The following MAPK8IP3 variants were observed in gnomAD, a reference collection of about 807,000 sequenced individuals.
The protein encoded by MAPK8IP3 is mitogen-activated protein kinase 8 interacting protein 3, also known as C-Jun-amino-terminal kinase-interacting protein 3.
A neutral mutation model predicts 157.8 loss-of-function variants in MAPK8IP3; 49 were observed. The observed-to-expected ratio is 0.31, with a 90% CI of 0.25 to 0.39. The LOEUF is 0.39. Among genes scored for constraint, MAPK8IP3 ranks in the 10% least tolerant of loss-of-function variants. The pLI, the probability that MAPK8IP3 is intolerant of heterozygous loss-of-function variation, is 1.00. For synonymous variants in MAPK8IP3, 897 were observed against 777.7 expected, an observed-to-expected ratio of 1.15 and a Z score of -2.55; for missense variants, 1,478 against 1,889.4, an observed-to-expected ratio of 0.78 and a Z score of 4.04.
intron 8 of MAPK8IP3, among the ~76,000 whole-genome samples, chr16:1,754,277 G>A (rs2041467931): frequency 6.6e-6 from 1 of 152,122 alleles, no homozygotes; most frequent in African/African-American, 2.4e-5. Context: ...ACTACCTGGT[G>A]GGAATTTCAC....
intron 19 of MAPK8IP3, 36 bp from the exon 20 acceptor site, chr16:1,764,977 C>G (rs1373820672): frequency 6.3e-7 from 1 of 1,579,558 alleles, no homozygotes; most frequent in African/African-American, 1.3e-5. Flanking sequence ...TAGCCTCAAG[C>G]TCGGGCTCTG....
chr16:1,729,388 T>A, intron 3 of MAPK8IP3, 99 bp from the exon 4 acceptor site: 1 of 1,340,332 alleles, frequency 7.5e-7, no homozygotes, highest in South Asian at 1.2e-5. Flanking sequence ...GCTGTCTTGA[T>A]TTCTGCCTGC....
At chr16:1,750,250 G>A (rs146823444) in intron 8 of MAPK8IP3, among the ~76,000 whole-genome samples, 3,566 of 152,188 alleles carry the variant, frequency 0.023, 146 homozygotes, top group African/African-American at 0.081. Context: ...GTCCCGCTCT[G>A]TCGCCAGGCT....
rs1751777624 is a variant in MAPK8IP3, at chr16:1,706,207, G to C, written c.-133G>C. On this transcript the variant is annotated 5_prime_UTR_variant, in exon 1 of 32. Coordinates refer to ENST00000610761, the MANE Select transcript of MAPK8IP3 (RefSeq NM_001318852.2). This position sits in a 1 kb window ranked among gnomAD's most constrained non-coding sequence, Gnocchi z 5.1. ...GAGTGACGGGCGCAGCCTCGGCAGC[G>C]GCGGCGGCGGAGCCCTGAGGCGACA... is the stretch of plus-strand genomic sequence containing the variant. The C allele has an allele frequency of 3.0e-6, 2 of 669,254 alleles. No homozygotes were observed. Among genetic ancestry groups the C allele is most frequent in the East Asian group, 3.7e-5 (1 of 26,796 alleles). The allele number at this position is 669,254 out of a possible 1,614,324, so 41.5% of individuals were successfully genotyped here.
intron 11 of MAPK8IP3, 48 bp downstream of exon 11, chr16:1,760,063 G>C: frequency 6.2e-7 from 1 of 1,602,376 alleles, no homozygotes. Context: ...AGCCCTCCTT[G>C]TCAGGGCTGG....
intron 4 of MAPK8IP3, among the ~76,000 whole-genome samples, chr16:1,731,885 C>A (rs867245033): frequency 3.3e-5 from 5 of 152,092 alleles, no homozygotes; most frequent in Non-Finnish European, 1.5e-5. Context: ...GTGGATGAGC[C>A]CAGGAGCCTT....
intron 15 of MAPK8IP3, 38 bp from the exon 16 acceptor site, chr16:1,762,798 T>G (rs764397409): frequency 6.2e-7 from 1 of 1,603,024 alleles, no homozygotes; most frequent in Non-Finnish European, 8.5e-7. Context: ...GGTTCCCTGG[T>G]CCTCTGCCCA....
At chr16:1,753,800 A>C (rs1264375497) in intron 8 of MAPK8IP3, among the ~76,000 whole-genome samples, 1 of 152,044 alleles carries the variant, frequency 6.6e-6, no homozygotes, top group Non-Finnish European at 1.5e-5. Flanking sequence ...ATTAAACTAT[A>C]ATGTGACAGT....
At position 1,737,079 on chromosome 16, in the gene MAPK8IP3, A is replaced by T. The variant is rs560701477; in HGVS notation, c.603-6253A>T. ...GTGTGAGCGTCCGTGTGAGCGTGTG[A>T]CCGTCCGTGTGAGTGTGACCATCCA... On this transcript the variant is annotated intron_variant, in intron 4 of 31. Coordinates refer to ENST00000610761, the MANE Select transcript of MAPK8IP3 (RefSeq NM_001318852.2). Among the ~76,000 whole-genome samples the T allele has an allele frequency of 4.4e-5, 3 of 67,632 alleles. 1 individual carries two copies. 44.4% of individuals were successfully genotyped at this position (67,632 alleles called of 152,430 possible).
At chr16:1,730,549 C>CT in intron 4 of MAPK8IP3, among the ~76,000 whole-genome samples, 1 of 152,036 alleles carries the variant, frequency 6.6e-6, no homozygotes, top group East Asian at 1.9e-4. Flanking sequence ...ACCATCCTGG[C>CT]TAACATGGTG....
intron 4 of MAPK8IP3, among the ~76,000 whole-genome samples, chr16:1,735,271 A>T (rs978517677): frequency 7.0e-6 from 1 of 142,034 alleles, no homozygotes; most frequent in African/African-American, 2.7e-5. Context: ...TGAGCATGTG[A>T]CCGTCTGTGA....
Position 1,737,792 on chromosome 16 carries a change from G to A in MAPK8IP3, c.603-5540G>A. On this transcript the variant is annotated intron_variant, in intron 4 of 31. Transcript: ENST00000610761. ...TCCGTGTGAGTGACCATCCATGTGA[G>A]CATCCATGTGACCGTCCGTGTGAGC... 2.0e-5 allele frequency among the ~76,000 whole-genome samples: 2 copies of A among 101,264 alleles called. 1 individual carries two copies. The highest frequency in any genetic ancestry group is 1.0e-3 in the South Asian group (2 of 1,922). The allele number at this position is 101,264 out of a possible 152,430, so 66.4% of individuals were successfully genotyped here. A position where few individuals can be genotyped will look rare whatever the true frequency, so the allele number is the denominator to read the frequency against.
At position 1,741,326 on chromosome 16, in the gene MAPK8IP3, G is replaced by A. The variant is rs935804113; in HGVS notation, c.603-2006G>A. On this transcript the variant is annotated intron_variant, in intron 4 of 31. Coordinates refer to ENST00000610761, the MANE Select transcript of MAPK8IP3 (RefSeq NM_001318852.2). The surrounding 1 kb of genome is among the most constrained non-coding windows in gnomAD (Gnocchi z 6.9). ...AGCCTGAGGCCAGGGCCTGGGGGCCGGTGGGGAGGAGCAAAGGAAAGAGTG... is the reference window on the plus strand; with the variant it reads ...AGCCTGAGGCCAGGGCCTGGGGGCCAGTGGGGAGGAGCAAAGGAAAGAGTG... 4.6e-5 allele frequency among the ~76,000 whole-genome samples: 7 copies of A among 152,316 alleles called. No homozygotes were observed. Among genetic ancestry groups the A allele is most frequent in the East Asian group, 1.9e-4 (1 of 5,178 alleles).
At chr16:1,738,454 ATG>A (rs1491170140) in intron 4 of MAPK8IP3, among the ~76,000 whole-genome samples, 8 of 61,454 alleles carry the variant, frequency 1.3e-4, no homozygotes, top group African/African-American at 4.2e-4. Flanking sequence ...CCATGTGAGC[ATG>A]TGTGACCGTC....
rs1222520421 is a variant in MAPK8IP3, at chr16:1,760,019, A to C, written c.1304+4A>C. On this transcript the variant is annotated splice_donor_region_variant and intron_variant, in intron 11 of 31. Coordinates refer to ENST00000610761, the MANE Select transcript of MAPK8IP3 (RefSeq NM_001318852.2). ...ACTCACAGCTTCTGGAAACCAAGTA[A>C]GAGTGCCCTTCTCCTGTGTGGTGGG... 6.2e-7 allele frequency: 1 copy of C among 1,614,050 alleles called. No homozygotes were observed. The highest frequency in any genetic ancestry group is 2.2e-5 in the East Asian group (1 of 44,894).
rs751065141 is a variant in MAPK8IP3 at position 1,766,605 on chromosome 16, A to G, written c.2896A>G (p.Ser966Gly). ...CAGCGGGGACCCCACGGGAGCAGGC[A>G]GCAGTGCTGCACCCACCATGTGGCT... The part of the protein sequence containing the change: ...EPSGDPTGAG[S>G]SAAPTMWLGA... The change falls in exon 23 of 32, where the codon AGC becomes GGC. Residue 966 changes from serine (S) to glycine (G), a missense_variant. Ser to Gly is a moderately conservative substitution (Grantham distance 56). Around this residue, in one of 11 missense-constraint regions of MAPK8IP3, gnomAD observed 669 missense variants for 759.8 expected, o/e 0.88. Coordinates refer to ENST00000610761, the MANE Select transcript of MAPK8IP3 (RefSeq NM_001318852.2). The G allele has an allele frequency of 1.8e-5, 29 of 1,612,462 alleles. No homozygotes were observed. The South Asian group carries it at 2.4e-4, about 13-fold the overall frequency.
At chr16:1,758,210 G>C (rs759170196) in intron 9 of MAPK8IP3, 51 bp downstream of exon 9, 83 of 1,604,708 alleles carry the variant, frequency 5.2e-5, no homozygotes, top group Middle Eastern at 1.7e-4. Context: ...CGGGGGGAGT[G>C]GGTGGACGGG....
At position 1,760,428 on chromosome 16, in the gene MAPK8IP3, G is replaced by A. The variant is rs776117302; in HGVS notation, c.1353G>A (p.Gln451=). ...ATGACCTGATTGCCAAGGTCGACCA[G>A]CTGTCCGGGGAGCAGGAGGTGCTGA... The part of the protein sequence containing the change: ...VKNDLIAKVD[Q]LSGEQEVLRG... The change falls in exon 12 of 32, where the codon CAG becomes CAA. Residue 451 remains glutamine, a synonymous_variant. Transcript: ENST00000610761. 1.9e-6 allele frequency: 3 copies of A among 1,613,836 alleles called. No individual in the cohort carries two copies. In the Admixed American group the frequency reaches 5.0e-5, roughly 27 times the overall value.
intron 13 of MAPK8IP3, among the ~76,000 whole-genome samples, chr16:1,761,969 G>A (rs1044992331): frequency 6.6e-6 from 1 of 152,158 alleles, no homozygotes; most frequent in African/African-American, 2.4e-5. Context: ...GGGTGGGCAC[G>A]GGCAGGGGGC....
Sources: allele counts gnomAD v4.1 joint callset (sites outside exome capture counted in the v4.1 genomes callset), GRCh38; gene constraint gnomAD v4.1.1; regional missense constraint gnomAD v4.1.1; non-coding constraint Gnocchi (gnomAD v3.1); transcripts MANE v1.5; gene names NCBI Gene and HGNC (gene_info 2026-07-23, HGNC 2026-07-21).